LMBR1: variants seen among roughly 807,000 people sequenced by gnomAD.
LMBR1 encodes limb region 1 protein homolog.
A neutral mutation model predicts 73.9 loss-of-function variants in LMBR1; 52 were observed. The observed-to-expected ratio is 0.70, with a 90% CI of 0.56 to 0.89. The LOEUF (loss-of-function observed/expected upper bound fraction) is 0.89, where lower values mean the gene tolerates loss of function less well. LMBR1 is among the 40% of genes least tolerant of loss of function. The pLI is 0.00. For synonymous variants in LMBR1, 215 were observed against 209.4 expected, an observed-to-expected ratio of 1.03 and a Z score of -0.23; for missense variants, 539 against 579.8, an observed-to-expected ratio of 0.93 and a Z score of 0.72.
At chr7:156,725,240 G>A (rs1815488723) in intron 14 of LMBR1, among the ~76,000 whole-genome samples, 195 bp downstream of exon 14, 1 of 152,136 alleles carries the variant, frequency 6.6e-6, no homozygotes, top group African/African-American at 2.4e-5. Flanking sequence ...TACAGTGAAT[G>A]GACGCCATCC....
At chr7:156,735,673 A>C (rs1239795113) in intron 9 of LMBR1, among the ~76,000 whole-genome samples, 1 of 150,588 alleles carries the variant, frequency 6.6e-6, no homozygotes, top group Non-Finnish European at 1.5e-5. Context: ...TATGAATCAT[A>C]TATTTTATCA....
At chr7:156,838,774 AT>A (rs1838122238) in intron 1 of LMBR1, among the ~76,000 whole-genome samples, 1 of 151,984 alleles carries the variant, frequency 6.6e-6, no homozygotes, top group Non-Finnish European at 1.5e-5. Flanking sequence ...TCTATTTTTA[AT>A]TTTTTGAGGA....
intron 1 of LMBR1, among the ~76,000 whole-genome samples, chr7:156,859,431 A>T (rs1029318079): frequency 1.3e-5 from 2 of 152,194 alleles, no homozygotes; most frequent in African/African-American, 4.8e-5. Flanking sequence ...TTCTCTGATG[A>T]CATGATTGTT....
intron 1 of LMBR1, among the ~76,000 whole-genome samples, chr7:156,849,537 G>A (rs1358073604): frequency 6.6e-6 from 1 of 152,164 alleles, no homozygotes; most frequent in Admixed American, 6.5e-5. Context: ...AAGTCATGGA[G>A]GAAACTTAAA....
intron 1 of LMBR1, among the ~76,000 whole-genome samples, chr7:156,852,666 T>TC (rs1337321420): frequency 6.6e-6 from 1 of 151,990 alleles, no homozygotes; most frequent in Non-Finnish European, 1.5e-5. Flanking sequence ...GGTGACAATG[T>TC]CCCCCCCAGG....
rs562268992 is a variant in LMBR1 at position 156,769,781 on chromosome 7, G to A, written c.424-5986C>T. Among the ~76,000 whole-genome samples, 60 of 152,326 alleles carry A rather than the reference G, an allele frequency of 3.9e-4. 1 individual carries two copies. Among genetic ancestry groups the A allele is most frequent in the Middle Eastern group, 6.8e-3 (2 of 294 alleles). On this transcript the variant is annotated intron_variant, in intron 5 of 16. Transcript: ENST00000353442. Reference sequence around the variant, plus strand: ...AGATCTGTGCAGCAGCTAAAGAACAGTGAGCGTGGGGAATCCACTGTTTTC... The same window carrying A: ...AGATCTGTGCAGCAGCTAAAGAACAATGAGCGTGGGGAATCCACTGTTTTC...
intron 9 of LMBR1, among the ~76,000 whole-genome samples, chr7:156,743,308 A>G (rs1819249936): frequency 6.6e-6 from 1 of 152,152 alleles, no homozygotes; most frequent in African/African-American, 2.4e-5. Flanking sequence ...CAGGTCTTCT[A>G]AATTCCAAAA....
rs764840725 is a variant in LMBR1 at position 156,892,981 on chromosome 7, C to T, written c.13G>A (p.Asp5Asn). 5.8e-6 allele frequency: 9 copies of T among 1,539,070 alleles called. No individual in the cohort carries two copies. Among genetic ancestry groups the T allele is most frequent in the South Asian group, 1.2e-5 (1 of 84,342 alleles). The change falls in exon 1 of 17, where the codon GAC (aspartate) becomes AAC (asparagine). Residue 5 changes from aspartate to asparagine, a missense_variant. Physicochemically the swap from Asp to Asn is conservative, Grantham distance 23. Coordinates refer to ENST00000353442, the MANE Select transcript of LMBR1 (RefSeq NM_022458.4). ...TGCTGCTCCCGCGCCGACACCTCGT[C>T]CTGCCCTTCCATCCTCCTTCATGCC... MEGQ[D>N]EVSAREQHFH...
chr7:156,803,990 T>C, intron 4 of LMBR1, among the ~76,000 whole-genome samples: 1 of 94,356 alleles, frequency 1.1e-5, no homozygotes, highest in Non-Finnish European at 2.0e-5. Context: ...CCGGGGACTG[T>C]TGTGGGGTGG....
chr7:156,752,431 CAG>C (rs1163607036), intron 9 of LMBR1, among the ~76,000 whole-genome samples: 2 of 152,082 alleles, frequency 1.3e-5, no homozygotes, highest in African/African-American at 4.8e-5. Context: ...ATGACAGAGA[CAG>C]AGAGTCAGAA....
intron 15 of LMBR1, among the ~76,000 whole-genome samples, chr7:156,722,001 A>G (rs1352412985): frequency 2.4e-5 from 2 of 85,026 alleles, no homozygotes; most frequent in Non-Finnish European, 4.3e-5. Context: ...TTCATTTTTG[A>G]AGCAAAAACA....
At chr7:156,739,774 G>C (rs1563251046) in intron 9 of LMBR1, among the ~76,000 whole-genome samples, 1 of 152,140 alleles carries the variant, frequency 6.6e-6, no homozygotes, top group East Asian at 1.9e-4. Flanking sequence ...TCCCAAGAAA[G>C]ACAGGCACAT....
intron 1 of LMBR1, among the ~76,000 whole-genome samples, chr7:156,888,347 T>C (rs1002137098): frequency 6.6e-5 from 10 of 150,452 alleles, no homozygotes; most frequent in African/African-American, 2.2e-4. Flanking sequence ...GGGGCGGAGC[T>C]TGCAGTGAGC....
At chr7:156,724,602 T>C (rs1271753177) in intron 14 of LMBR1, among the ~76,000 whole-genome samples, 1 of 152,156 alleles carries the variant, frequency 6.6e-6, no homozygotes, top group Non-Finnish European at 1.5e-5. Context: ...TTGTAAGATT[T>C]AAAAAGCACC....
chr7:156,706,223 A>T (rs1041324988), intron 15 of LMBR1, among the ~76,000 whole-genome samples: 1 of 152,122 alleles, frequency 6.6e-6, no homozygotes, highest in Non-Finnish European at 1.5e-5. Flanking sequence ...GCAAGAGGAT[A>T]TAACAATACA....
intron 15 of LMBR1, among the ~76,000 whole-genome samples, chr7:156,691,618 T>C (rs1002607863): frequency 2.0e-5 from 3 of 152,150 alleles, no homozygotes; most frequent in Admixed American, 1.3e-4. Context: ...GCTTGACACA[T>C]AAAGGGATCA....
At chr7:156,745,960 G>A (rs945727763) in intron 9 of LMBR1, among the ~76,000 whole-genome samples, 3 of 152,170 alleles carry the variant, frequency 2.0e-5, no homozygotes, top group Admixed American at 1.3e-4. Context: ...TTCAGGTAAT[G>A]TGACACAAGC....
At chr7:156,833,414 T>C (rs536160775) in intron 3 of LMBR1, 3 of 236,270 alleles carry the variant, frequency 1.3e-5, no homozygotes, top group East Asian at 2.8e-4. Context: ...CCAGAGGAGA[T>C]GTCCGCTGCT....
intron 15 of LMBR1, among the ~76,000 whole-genome samples, chr7:156,716,991 T>C (rs2132268362): frequency 6.6e-6 from 1 of 152,086 alleles, no homozygotes; most frequent in Admixed American, 6.5e-5. Flanking sequence ...TTAAAAAGTT[T>C]AGCTGGGTGT....
Sources: gnomAD v4.1 joint callset for allele counts (sites outside exome capture counted in the v4.1 genomes callset) on GRCh38, gnomAD v4.1.1 for gene constraint, MANE v1.5 for transcripts, NCBI Gene and HGNC (gene_info 2026-07-23, HGNC 2026-07-21) for gene names.